The following TNFRSF9 variants were observed in gnomAD, a reference collection of about 807,000 sequenced individuals.
TNFRSF9 encodes TNF receptor superfamily member 9.
Under a neutral mutation model 28.8 loss-of-function variants are expected in TNFRSF9, and 16 were observed. The ratio of observed to expected loss-of-function variants is 0.55; its 90% CI spans 0.38 to 0.84. The LOEUF is 0.84. TNFRSF9 is among the 40% of genes least tolerant of loss of function. TNFRSF9 has a pLI of 0.00. For missense variants in TNFRSF9, 303 were observed against 315.0 expected (o/e 0.96, Z 0.29); for synonymous variants, 131 against 117.0 (o/e 1.12, Z -0.77).
chr1:7,926,575 A>C (rs1341993696), intron 7 of TNFRSF9, among the ~76,000 whole-genome samples: 1 of 152,232 alleles, frequency 6.6e-6, no homozygotes, highest in African/African-American at 2.4e-5. Flanking sequence ...TATAGATATT[A>C]TCCTAAAATG....
intron 2 of TNFRSF9, 61 bp downstream of exon 2, chr1:7,939,834 G>A (rs1274629985): frequency 7.5e-7 from 1 of 1,340,604 alleles, no homozygotes; most frequent in East Asian, 2.3e-5. Context: ...CTGACTACTA[G>A]ACTAACTGAA....
chr1:7,938,364 A>G, intron 3 of TNFRSF9, 34 bp from the exon 4 acceptor site: 1 of 1,548,852 alleles, frequency 6.5e-7, no homozygotes, highest in Admixed American at 2.0e-5. Flanking sequence ...ACATTTTATT[A>G]CACTTGACCT....
Position 7,940,115 on chromosome 1 carries a change from C to T in TNFRSF9, c.-84-37G>A. On this transcript the variant is annotated intron_variant, in intron 1 of 7. Transcript: ENST00000377507. ...AAACATTTCCAAGGAAAGGTGGTTTCTCCTTTCAAAATTATCTATATTGCA... is the reference window on the plus strand; with the variant it reads ...AAACATTTCCAAGGAAAGGTGGTTTTTCCTTTCAAAATTATCTATATTGCA... 16 of 660,188 alleles carry T rather than the reference C, an allele frequency of 2.4e-5. No individual in the cohort carries two copies. The Middle Eastern group carries it at 1.3e-3, about 54-fold the overall frequency. 40.9% of individuals were successfully genotyped at this position (660,188 alleles called of 1,614,324 possible). A position where few individuals can be genotyped will look rare whatever the true frequency, so the allele number is the denominator to read the frequency against.
At chr1:7,925,318 A>G (rs1639631976) in intron 7 of TNFRSF9, among the ~76,000 whole-genome samples, 2 of 152,110 alleles carry the variant, frequency 1.3e-5, no homozygotes, top group African/African-American at 2.4e-5. Context: ...AAAAAAAATT[A>G]AAGTTTATGA....
chr1:7,924,948 C>T (rs1476626378), intron 7 of TNFRSF9, among the ~76,000 whole-genome samples: 2 of 152,112 alleles, frequency 1.3e-5, no homozygotes, highest in African/African-American at 2.4e-5. Flanking sequence ...TATTTTTGTA[C>T]AGCTGTACAA....
chr1:7,924,294 CAT>C (rs58569630), intron 7 of TNFRSF9, among the ~76,000 whole-genome samples: 1,690 of 129,650 alleles, frequency 0.013, 19 homozygotes, highest in South Asian at 0.019. Flanking sequence ...TAGTATATTC[CAT>C]ATATATATAT....
chr1:7,932,685 G>A (rs6694327), intron 7 of TNFRSF9, among the ~76,000 whole-genome samples: 5,705 of 148,432 alleles, frequency 0.038, 375 homozygotes, highest in African/African-American at 0.14. Flanking sequence ...ACACACGCAC[G>A]CACGCGCACA....
intron 6 of TNFRSF9, among the ~76,000 whole-genome samples, chr1:7,933,750 C>T (rs1639772144): frequency 6.6e-6 from 1 of 152,072 alleles, no homozygotes; most frequent in Non-Finnish European, 1.5e-5. Flanking sequence ...GGAGCGGTGG[C>T]TCACACCTGT....
chr1:7,917,238 G>A lies in TNFRSF9; in HGVS notation c.*3597C>T, dbSNP rs1181585231. 6.6e-6 allele frequency: 1 copy of A among 152,172 alleles called. No homozygotes were observed. The highest frequency in any genetic ancestry group is 2.4e-5 in the African/African-American group (1 of 41,432). 9.4% of individuals were successfully genotyped at this position (152,172 alleles called of 1,614,324 possible). A position where few individuals can be genotyped will look rare whatever the true frequency, so the allele number is the denominator to read the frequency against. On this transcript the variant is annotated 3_prime_UTR_variant, in exon 8 of 8. Coordinates refer to ENST00000377507, the MANE Select transcript of TNFRSF9 (RefSeq NM_001561.6). ...GAGCCACCGTGCCTGACCTAGCTAA[G>A]ACACTTCTGAAGTAGAAAAAGAAGG...
intron 7 of TNFRSF9, among the ~76,000 whole-genome samples, chr1:7,930,868 A>G (rs1218041582): frequency 6.6e-6 from 1 of 152,230 alleles, no homozygotes; most frequent in Admixed American, 6.5e-5. Context: ...AGCAAACCAC[A>G]GAATAGGAAA....
At chr1:7,922,913 T>A (rs1202647569) in intron 7 of TNFRSF9, among the ~76,000 whole-genome samples, 1 of 150,874 alleles carries the variant, frequency 6.6e-6, no homozygotes, top group Non-Finnish European at 1.5e-5. Context: ...TTTTTCTTTT[T>A]TTTTTTTGAG....
At chr1:7,937,146 A>T (rs1639826455) in intron 5 of TNFRSF9, among the ~76,000 whole-genome samples, 1 of 152,240 alleles carries the variant, frequency 6.6e-6, no homozygotes, top group Non-Finnish European at 1.5e-5. Context: ...AACAGAAAAG[A>T]GGCAGACAGC....
Position 7,920,061 on chromosome 1 carries a change from T to C in TNFRSF9, c.*774A>G, listed in dbSNP as rs973843920. On this transcript the variant is annotated 3_prime_UTR_variant, in exon 8 of 8. Transcript: ENST00000377507. ...ACCCTAAACTCAGGCACTCTGCTCATACTCCCCCCTGACGGTGGAGCATGT... is the reference window on the plus strand; with the variant it reads ...ACCCTAAACTCAGGCACTCTGCTCACACTCCCCCCTGACGGTGGAGCATGT... The C allele has an allele frequency of 2.0e-5, 3 of 152,204 alleles. No homozygotes were observed. Among genetic ancestry groups the C allele is most frequent in the Non-Finnish European group, 4.4e-5 (3 of 68,036 alleles). The allele number at this position is 152,204 out of a possible 1,614,324, so 9.4% of individuals were successfully genotyped here. A position where few individuals can be genotyped will look rare whatever the true frequency, so the allele number is the denominator to read the frequency against.
chr1:7,934,231 G>A (rs1344239928), intron 6 of TNFRSF9, among the ~76,000 whole-genome samples: 1 of 151,940 alleles, frequency 6.6e-6, no homozygotes, highest in Non-Finnish European at 1.5e-5. Flanking sequence ...TAAAAAATTA[G>A]CCAGGTGTAG....
In TNFRSF9 at chr1:7,938,956, A is replaced by G. The variant is rs1302956870; in HGVS notation, c.101-128T>C. ...TTTTCTAGATGCCACAGTGGTGGAC[A>G]TTAGTTTGATTGACTTCCTAAAACA... On this transcript the variant is annotated intron_variant, in intron 2 of 7. Transcript: ENST00000377507. 1.9e-5 allele frequency: 11 copies of G among 581,622 alleles called. No homozygotes were observed. In the East Asian group the frequency reaches 3.1e-4, roughly 16 times the overall value. 36.0% of individuals were successfully genotyped at this position (581,622 alleles called of 1,614,324 possible).
rs1374587707 is a variant in TNFRSF9, at chr1:7,932,106, C to A, written c.679+1056G>T. Reference sequence around the variant, plus strand: ...AAGCCGGGATCACGCCATTGCACTCCAGCCTGGGCAACAAGAGTGAAACTC... The same window carrying A: ...AAGCCGGGATCACGCCATTGCACTCAAGCCTGGGCAACAAGAGTGAAACTC... On this transcript the variant is annotated intron_variant, in intron 7 of 7. Transcript: ENST00000377507. 5.9e-5 allele frequency among the ~76,000 whole-genome samples: 9 copies of A among 152,132 alleles called. No homozygotes were observed. The East Asian group carries it at 1.7e-3, about 29-fold the overall frequency.
chr1:7,931,540 A>C (rs1433993132), intron 7 of TNFRSF9, among the ~76,000 whole-genome samples: 1 of 152,230 alleles, frequency 6.6e-6, no homozygotes, highest in African/African-American at 2.4e-5. Flanking sequence ...ATTTGTATGA[A>C]GTTCACAAGC....
intron 6 of TNFRSF9, among the ~76,000 whole-genome samples, chr1:7,934,018 C>A (rs1639777700): frequency 6.6e-6 from 1 of 150,852 alleles, no homozygotes; most frequent in Non-Finnish European, 1.5e-5. Context: ...CTCTGTCCAC[C>A]CCCCCAAAAA....
At chr1:7,933,022 C>G (rs1639757226) in intron 7 of TNFRSF9, 140 bp downstream of exon 7, 1 of 1,001,540 alleles carries the variant, frequency 1.0e-6, no homozygotes, top group African/African-American at 1.6e-5. Context: ...CAAATATTCC[C>G]AGGGACGAAA....
Sources: gnomAD v4.1 joint callset for allele counts (sites outside exome capture counted in the v4.1 genomes callset) on GRCh38, gnomAD v4.1.1 for gene constraint, MANE v1.5 for transcripts, NCBI Gene and HGNC (gene_info 2026-07-23, HGNC 2026-07-21) for gene names.